The following STRN4 variants were observed in gnomAD, a reference collection of about 807,000 sequenced individuals.
The protein encoded by STRN4 is striatin 4, also known as striatin-4.
In STRN4, 27 loss-of-function variants were observed where a neutral mutation model predicts 77.9. That is an observed-to-expected ratio of 0.35 (90% CI 0.26 to 0.48). STRN4 has a LOEUF of 0.48. Ranked by LOEUF, STRN4 falls within the 20% of genes least tolerant of loss-of-function variation. STRN4 has a pLI of 0.99. For synonymous variants in STRN4, 466 were observed against 443.1 expected, an observed-to-expected ratio of 1.05 and a Z score of -0.65; for missense variants, 798 against 1,049.7, an observed-to-expected ratio of 0.76 and a Z score of 3.31.
chr19:46,724,074 CCT>C (rs750393650), intron 12 of STRN4, among the ~76,000 whole-genome samples: 28 of 151,910 alleles, frequency 1.8e-4, no homozygotes, highest in Admixed American at 1.6e-3. Context: ...GTGGTGCAAC[CCT>C]GTCTCTACCA....
intron 7 of STRN4, chr19:46,728,229 C>A (rs1477556997): frequency 3.0e-6 from 2 of 658,612 alleles, no homozygotes; most frequent in Non-Finnish European, 5.5e-6. Context: ...CCCCAGCCAC[C>A]CATCCCACGT....
intron 8 of STRN4, 23 bp from the exon 9 acceptor site, chr19:46,727,569 T>C: frequency 6.2e-7 from 1 of 1,610,140 alleles, no homozygotes; most frequent in East Asian, 2.2e-5. Flanking sequence ...CAAAGGAACC[T>C]GGTAGGGGGA....
intron 1 of STRN4, among the ~76,000 whole-genome samples, chr19:46,742,739 T>G (rs2054496603): frequency 6.6e-6 from 1 of 152,118 alleles, no homozygotes; most frequent in South Asian, 2.1e-4. Flanking sequence ...ATTTCTGTAT[T>G]TTTAGTAGAG....
At position 46,733,404 on chromosome 19, in the gene STRN4, A is replaced by C; in HGVS notation, c.540-168T>G. 1.5e-6 allele frequency: 1 copy of C among 645,530 alleles called. No individual in the cohort carries two copies. The highest frequency in any genetic ancestry group is 2.7e-6 in the Non-Finnish European group (1 of 369,834). 40.0% of individuals were successfully genotyped at this position (645,530 alleles called of 1,614,324 possible). A position where few individuals can be genotyped will look rare whatever the true frequency, so the allele number is the denominator to read the frequency against. On this transcript the variant is annotated intron_variant, in intron 4 of 17. Coordinates refer to ENST00000263280, the MANE Select transcript of STRN4 (RefSeq NM_013403.3). The surrounding 1 kb of genome is among the most constrained non-coding windows in gnomAD (Gnocchi z 4.3). The stretch of plus-strand genomic sequence containing the variant: ...GCAGTTCCCCGTCAAGGCTATTTCC[A>C]GTGGAAGCCCTTGTACACACACACA...
chr19:46,744,772 C>G (rs1055906262), intron 1 of STRN4, among the ~76,000 whole-genome samples: 1 of 151,792 alleles, frequency 6.6e-6, no homozygotes, highest in Non-Finnish European at 1.5e-5. Context: ...GAAAGGTGGG[C>G]TGCTACAAGC....
chr19:46,722,374 A>G (rs1290730227), intron 14 of STRN4, 34 bp from the exon 15 acceptor site: 1 of 1,601,388 alleles, frequency 6.2e-7, no homozygotes, highest in African/African-American at 1.3e-5. Context: ...GAAGGATGTC[A>G]AGCAGAAAAT....
intron 9 of STRN4, among the ~76,000 whole-genome samples, chr19:46,726,465 G>A (rs1285498455): frequency 6.9e-6 from 1 of 145,316 alleles, no homozygotes; most frequent in East Asian, 2.0e-4. Flanking sequence ...GGTAACATAG[G>A]GAGATCCCCT....
intron 1 of STRN4, among the ~76,000 whole-genome samples, chr19:46,739,854 C>A (rs1005825506): frequency 2.2e-4 from 33 of 152,240 alleles, no homozygotes; most frequent in African/African-American, 8.0e-4. Flanking sequence ...CAAGGCCTGG[C>A]ACAGAATAAA....
chr19:46,746,114 G>A (rs1468311940), intron 1 of STRN4, 35 bp downstream of exon 1: 3 of 1,458,826 alleles, frequency 2.1e-6, no homozygotes, highest in African/African-American at 3.0e-5. Context: ...GGGCCGGGCC[G>A]GGTTGGGGGT....
intron 6 of STRN4, 76 bp from the exon 7 acceptor site, chr19:46,728,853 G>A (rs2054184634): frequency 1.3e-6 from 2 of 1,568,576 alleles, no homozygotes; most frequent in Admixed American, 1.8e-5. Context: ...CCTAGGAACA[G>A]GTAAGCCGGG....
At chr19:46,732,973 T>C (rs1253679151) in intron 5 of STRN4, 66 bp downstream of exon 5, 10 of 1,546,542 alleles carry the variant, frequency 6.5e-6, no homozygotes, top group East Asian at 2.3e-5. Flanking sequence ...GCTGACACTC[T>C]GACCCTGGCC....
chr19:46,734,251 C>T (rs143248779), intron 4 of STRN4, among the ~76,000 whole-genome samples: 164 of 152,316 alleles, frequency 1.1e-3, no homozygotes, highest in African/African-American at 3.8e-3. Flanking sequence ...GAGGGGAACA[C>T]TAGCATTATA....
chr19:46,728,132 G>C (rs1442784859), intron 7 of STRN4, 125 bp from the exon 8 acceptor site: 6 of 917,858 alleles, frequency 6.5e-6, no homozygotes, highest in Non-Finnish European at 1.0e-5. Flanking sequence ...TGGCCCTGGG[G>C]GAGGGGGGGA....
intron 3 of STRN4, among the ~76,000 whole-genome samples, chr19:46,737,837 C>T (rs950078157): frequency 2.0e-5 from 3 of 152,186 alleles, no homozygotes; most frequent in South Asian, 2.1e-4. Flanking sequence ...TCCTCAGTGA[C>T]GTCTTCCCCG....
chr19:46,722,196 C>T, intron 15 of STRN4, 46 bp downstream of exon 15: 1 of 1,603,806 alleles, frequency 6.2e-7, no homozygotes, highest in Non-Finnish European at 8.5e-7. Flanking sequence ...TGCTGCCTGC[C>T]TCTGGCCCTC....
At chr19:46,745,101 C>A (rs756050647) in intron 1 of STRN4, among the ~76,000 whole-genome samples, 5 of 151,670 alleles carry the variant, frequency 3.3e-5, no homozygotes, top group African/African-American at 1.2e-4. Flanking sequence ...AATTCTCCCC[C>A]CTAAAGCATC....
chr19:46,739,049 G>A (rs916263081), intron 1 of STRN4, among the ~76,000 whole-genome samples, 161 bp from the exon 2 acceptor site: 1 of 152,232 alleles, frequency 6.6e-6, no homozygotes, highest in African/African-American at 2.4e-5. Context: ...GGTTCAGGGA[G>A]CACTGAGAGG....
At chr19:46,724,657 C>T (rs1282856524) in intron 12 of STRN4, 150 bp downstream of exon 12, 5 of 1,217,066 alleles carry the variant, frequency 4.1e-6, no homozygotes, top group African/African-American at 3.0e-5. Flanking sequence ...CGCTGCATCG[C>T]GCTGCTCACA....
rs369814958 is a variant in STRN4 at position 46,733,030 on chromosome 19, C to T, written c.737+9G>A. ...CAGAGAGACACACCTGCCATGTCCA[C>T]GGGCTCACCTCTTTATCTGCTCCTC... On this transcript the variant is annotated intron_variant, in intron 5 of 17. Transcript: ENST00000263280. The surrounding 1 kb of genome is among the most constrained non-coding windows in gnomAD (Gnocchi z 4.3). 8 of 1,603,124 alleles carry T rather than the reference C, an allele frequency of 5.0e-6. No homozygotes were observed. In the Admixed American group the frequency reaches 5.0e-5, roughly 10 times the overall value.
Sources: gnomAD v4.1 joint callset for allele counts (sites outside exome capture counted in the v4.1 genomes callset) on GRCh38, gnomAD v4.1.1 for gene constraint, Gnocchi (gnomAD v3.1) non-coding constraint, MANE v1.5 for transcripts, NCBI Gene and HGNC (gene_info 2026-07-23, HGNC 2026-07-21) for gene names.